FGFRL1: variants seen among roughly 807,000 people sequenced by gnomAD.
FGFRL1 encodes fibroblast growth factor receptor like 1.
A neutral mutation model predicts 36.8 loss-of-function variants in FGFRL1; 24 were observed. The ratio of observed to expected loss-of-function variants is 0.65; its 90% confidence interval spans 0.47 to 0.92. FGFRL1 has a LOEUF of 0.92. Among genes scored for constraint, FGFRL1 ranks in the 40% least tolerant of loss-of-function variants. FGFRL1 has a pLI of 0.00. For missense variants in FGFRL1, 785 were observed against 753.4 expected (o/e 1.04, Z -0.49); for synonymous variants, 422 against 344.1 (o/e 1.23, Z -2.50).
intron 6 of FGFRL1, 116 bp from the exon 7 acceptor site, chr4:1,024,789 C>G: frequency 7.1e-7 from 1 of 1,400,014 alleles, no homozygotes; most frequent in Non-Finnish European, 9.5e-7. Context: ...GGTCATCTGC[C>G]GAGGGAGGGC....
At chr4:1,016,623 G>T (rs1345484307) in intron 2 of FGFRL1, among the ~76,000 whole-genome samples, 2 of 152,140 alleles carry the variant, frequency 1.3e-5, no homozygotes, top group African/African-American at 4.8e-5. Context: ...GGCACAGCCT[G>T]TGGGGTAGCC....
Position 1,012,580 on chromosome 4 carries a change from C to G in FGFRL1, c.79+16C>G. On this transcript the variant is annotated intron_variant, in intron 2 of 6. Transcript: ENST00000510644. ...GCCGCCCGAGGTGAGTTCTGGCGCC[C>G]AGCCCGGCCAGCCTGGCCTCCGCCA... The G allele has an allele frequency of 6.4e-6, 8 of 1,240,612 alleles. No individual in the cohort carries two copies. Among genetic ancestry groups the G allele is most frequent in the Non-Finnish European group, 6.5e-6 (6 of 918,952 alleles). 76.9% of individuals were successfully genotyped at this position (1,240,612 alleles called of 1,614,324 possible).
Position 1,026,358 on chromosome 4 carries a change from G to T in FGFRL1, c.*1011G>T, listed in dbSNP as rs1041294275. The T allele has an allele frequency of 6.3e-6, 1 of 157,794 alleles. No homozygotes were observed. The highest frequency in any genetic ancestry group is 6.5e-5 in the Admixed American group (1 of 15,428). 9.8% of individuals were successfully genotyped at this position (157,794 alleles called of 1,614,324 possible). On this transcript the variant is annotated 3_prime_UTR_variant, in exon 7 of 7. Transcript: ENST00000510644. ...GGGTGTGCCGTGAAGCCTGCAGTACGTGTGCCGTGAGGCTCATAGTTGATG... is the reference window on the plus strand; with the variant it reads ...GGGTGTGCCGTGAAGCCTGCAGTACTTGTGCCGTGAGGCTCATAGTTGATG...
chr4:1,014,205 C>G (rs1446504483), intron 2 of FGFRL1, among the ~76,000 whole-genome samples: 1 of 152,008 alleles, frequency 6.6e-6, no homozygotes, highest in Non-Finnish European at 1.5e-5. Context: ...TCGCTACACT[C>G]AGATCATATT....
rs752579266 is a variant in FGFRL1, at chr4:1,023,425, C to T, written c.353-216C>T. Among the ~76,000 whole-genome samples, 7 of 152,196 alleles carry T rather than the reference C, an allele frequency of 4.6e-5. No homozygotes were observed. Among genetic ancestry groups the T allele is most frequent in the Non-Finnish European group, 8.8e-5 (6 of 68,018 alleles). On this transcript the variant is annotated intron_variant, in intron 3 of 6. Coordinates refer to ENST00000510644, the MANE Select transcript of FGFRL1 (RefSeq NM_001004356.3). This position sits in a 1 kb window ranked among gnomAD's most constrained non-coding sequence, Gnocchi z 6.0. ...TGGGGGCCGGCCCTCCAGCCCCACC[C>T]GTGCCCATCAGGGTCACCTGCGCCC...
Position 1,025,599 on chromosome 4 carries a change from A to T in FGFRL1, c.*252A>T. 1 of 569,528 alleles carries T rather than the reference A, an allele frequency of 1.8e-6. No homozygotes were observed. Among genetic ancestry groups the T allele is most frequent in the Non-Finnish European group, 3.1e-6 (1 of 323,420 alleles). The allele number at this position is 569,528 out of a possible 1,614,324, so 35.3% of individuals were successfully genotyped here. A position where few individuals can be genotyped will look rare whatever the true frequency, so the allele number is the denominator to read the frequency against. Reference sequence around the variant, plus strand: ...CACACGTACGCACACACGCACATGCACAGATATGCCGCCTGGGCACACAGA... The same window carrying T: ...CACACGTACGCACACACGCACATGCTCAGATATGCCGCCTGGGCACACAGA... On this transcript the variant is annotated 3_prime_UTR_variant, in exon 7 of 7. Transcript: ENST00000510644.
chr4:1,023,553 TG>T lies in FGFRL1; in HGVS notation c.353-83del. The T allele has an allele frequency of 2.4e-6, 3 of 1,236,600 alleles. No homozygotes were observed. Among genetic ancestry groups the T allele is most frequent in the Admixed American group, 2.0e-5 (1 of 50,106 alleles). 76.6% of individuals were successfully genotyped at this position (1,236,600 alleles called of 1,614,324 possible). On this transcript the variant is annotated intron_variant, in intron 3 of 6. Coordinates refer to ENST00000510644, the MANE Select transcript of FGFRL1 (RefSeq NM_001004356.3). The surrounding 1 kb of genome is among the most constrained non-coding windows in gnomAD (Gnocchi z 6.0). ...TGTCCAGGGCTGTCCCGGCTGGGGC[TG>T]GGGGAGCTAGAGGCCACGGGGGAGT... is the stretch of plus-strand genomic sequence containing the variant.
intron 1 of FGFRL1, chr4:1,012,177 C>T (rs1232065978): frequency 8.7e-6 from 2 of 228,756 alleles, no homozygotes; most frequent in Non-Finnish European, 8.5e-6. Flanking sequence ...AGGCGATTAT[C>T]TGCGGGGCGC....
chr4:1,020,364 G>A (rs1427300056), intron 2 of FGFRL1, among the ~76,000 whole-genome samples: 1 of 152,078 alleles, frequency 6.6e-6, no homozygotes, highest in Non-Finnish European at 1.5e-5. Context: ...ATGGAGAGCA[G>A]TGAGTGGGCT....
chr4:1,014,959 A>G (rs896891891), intron 2 of FGFRL1, among the ~76,000 whole-genome samples: 4 of 152,326 alleles, frequency 2.6e-5, no homozygotes, highest in Admixed American at 2.0e-4. Flanking sequence ...GCGGGAATCA[A>G]TGGGCCTCCG....
At chr4:1,012,293 C>G in intron 1 of FGFRL1, 177 bp from the exon 2 acceptor site, 2 of 606,294 alleles carry the variant, frequency 3.3e-6, no homozygotes, top group Non-Finnish European at 5.5e-6. Flanking sequence ...TAGTGTAAAC[C>G]CTTTGTCTGC....
rs540659315 is a variant in FGFRL1, at chr4:1,022,760, T to C, written c.352+285T>C. 4.6e-5 allele frequency among the ~76,000 whole-genome samples: 7 copies of C among 152,310 alleles called. No individual in the cohort carries two copies. In the South Asian group the frequency reaches 1.4e-3, roughly 32 times the overall value. Reference sequence around the variant, plus strand: ...GAAGGCAGTGGTCCCACAGAAGGGCTGGGGCCCGAGGCCTTGGCAGGGTGT... The same window carrying C: ...GAAGGCAGTGGTCCCACAGAAGGGCCGGGGCCCGAGGCCTTGGCAGGGTGT... On this transcript the variant is annotated intron_variant, in intron 3 of 6. Transcript: ENST00000510644.
intron 2 of FGFRL1, among the ~76,000 whole-genome samples, chr4:1,015,766 C>T (rs1352132432): frequency 6.6e-6 from 1 of 152,224 alleles, no homozygotes; most frequent in Non-Finnish European, 1.5e-5. Context: ...ACCCTCTGGG[C>T]TTCTAAGACT....
At position 1,025,533 on chromosome 4, in the gene FGFRL1, C is replaced by A; in HGVS notation, c.*186C>A. ...CACAGACACACACACTGCCTGGATG[C>A]ATGTATGCACACACATGCGCGCACA... is the stretch of plus-strand genomic sequence containing the variant. On this transcript the variant is annotated 3_prime_UTR_variant, in exon 7 of 7. Coordinates refer to ENST00000510644, the MANE Select transcript of FGFRL1 (RefSeq NM_001004356.3). The A allele has an allele frequency of 1.4e-6, 1 of 710,736 alleles. No individual in the cohort carries two copies. Among genetic ancestry groups the A allele is most frequent in the Non-Finnish European group, 2.3e-6 (1 of 434,536 alleles). 44.0% of individuals were successfully genotyped at this position (710,736 alleles called of 1,614,324 possible).
upstream of FGFRL1, chr4:1,011,210 C>G (rs1474859540): frequency 6.6e-6 from 1 of 152,242 alleles, no homozygotes; most frequent in Admixed American, 6.5e-5. Context: ...AGAGGTCAGA[C>G]TGCCGCGGGC....
In FGFRL1 at chr4:1,024,967, G is replaced by T. The variant is rs201440347; in HGVS notation, c.1135G>T (p.Val379Leu). ...SSSATSLPWPVVIGIPAGAVF... is the reference protein window; with the variant it reads ...SSSATSLPWPLVIGIPAGAVF... Reference sequence around the variant, plus strand: ...CTCGGCCACTAGCCTGCCGTGGCCCGTGGTCATCGGCATCCCAGCCGGCGC... The same window carrying T: ...CTCGGCCACTAGCCTGCCGTGGCCCTTGGTCATCGGCATCCCAGCCGGCGC... The change falls in exon 7 of 7, where the codon GTG becomes TTG. Residue 379 changes from valine (V) to leucine (L), a missense_variant. Physicochemically the swap from Val to Leu is conservative, Grantham distance 32. Coordinates refer to ENST00000510644, the MANE Select transcript of FGFRL1 (RefSeq NM_001004356.3). 6.2e-7 allele frequency: 1 copy of T among 1,609,112 alleles called. No individual in the cohort carries two copies. Among genetic ancestry groups the T allele is most frequent in the Non-Finnish European group, 8.5e-7 (1 of 1,179,524 alleles).
Position 1,026,751 on chromosome 4 carries a change from G to C in FGFRL1, c.*1404G>C. ...ACCCGCCTGGTCTTTCAGCCATGCT[G>C]ATGACCACACCCCGTCCAGGCCAGA... On this transcript the variant is annotated 3_prime_UTR_variant, in exon 7 of 7. Transcript: ENST00000510644. The C allele has an allele frequency of 4.6e-6, 2 of 432,164 alleles. No homozygotes were observed. Among genetic ancestry groups the C allele is most frequent in the South Asian group, 3.3e-5 (2 of 60,728 alleles). The allele number at this position is 432,164 out of a possible 1,614,324, so 26.8% of individuals were successfully genotyped here.
At chr4:1,020,267 G>A (rs116383732) in intron 2 of FGFRL1, among the ~76,000 whole-genome samples, 3,850 of 152,296 alleles carry the variant, frequency 0.025, 164 homozygotes, top group African/African-American at 0.084. Context: ...AGACAGCAGT[G>A]GCTGCAGTGC....
Position 1,025,590 on chromosome 4 carries a change from C to T in FGFRL1, c.*243C>T, listed in dbSNP as rs534932929. ...CCCTGAAGGCACACGTACGCACACA[C>T]GCACATGCACAGATATGCCGCCTGG... On this transcript the variant is annotated 3_prime_UTR_variant, in exon 7 of 7. Transcript: ENST00000510644. The T allele has an allele frequency of 1.5e-3, 852 of 587,274 alleles. No individual in the cohort carries two copies. Among genetic ancestry groups the T allele is most frequent in the Middle Eastern group, 2.3e-3 (5 of 2,208 alleles). The allele number at this position is 587,274 out of a possible 1,614,324, so 36.4% of individuals were successfully genotyped here.
Sources: gnomAD v4.1 joint callset for allele counts (sites outside exome capture counted in the v4.1 genomes callset) on GRCh38, gnomAD v4.1.1 for gene constraint, Gnocchi (gnomAD v3.1) non-coding constraint, MANE v1.5 for transcripts, NCBI Gene and HGNC (gene_info 2026-07-23, HGNC 2026-07-21) for gene names.